CCDC146: variants seen among roughly 807,000 people sequenced by gnomAD.
CCDC146 encodes coiled-coil domain containing 146, also known as coiled-coil domain-containing protein 146.
A neutral mutation model predicts 119.3 loss-of-function variants in CCDC146; 92 were observed. The observed-to-expected ratio is 0.77, with a 90% CI of 0.65 to 0.92. The LOEUF is 0.92. Ranked by LOEUF, CCDC146 falls within the 40% of genes least tolerant of loss-of-function variation. CCDC146 has a pLI of 0.00. For synonymous variants in CCDC146, 372 were observed against 371.8 expected, an observed-to-expected ratio of 1.00 and a Z score of -0.01; for missense variants, 1,000 against 1,103.0, an observed-to-expected ratio of 0.91 and a Z score of 1.32.
At position 77,286,921 on chromosome 7, in the gene CCDC146, G is replaced by T; in HGVS notation, c.2272G>T (p.Asp758Tyr). ...CGAAAAAGAAATGATCCAAAAATTA[G>T]ACAAGGTAAACATTATTGCTTAAAA... The part of the protein sequence containing the change: ...LTEKEMIQKL[D>Y]KLELQLAKKE... Residue 758 changes from aspartate (D) to tyrosine (Y), a missense_variant, in exon 16 of 19, where the codon GAC (aspartate) becomes TAC (tyrosine). By Grantham distance (160) the Asp-to-Tyr change is radical. Coordinates refer to ENST00000285871, the MANE Select transcript of CCDC146 (RefSeq NM_020879.3). 10 of 1,614,086 alleles carry T rather than the reference G, an allele frequency of 6.2e-6. No homozygotes were observed. Among genetic ancestry groups the T allele is most frequent in the South Asian group, 1.1e-5 (1 of 91,070 alleles).
intron 2 of CCDC146, among the ~76,000 whole-genome samples, chr7:77,177,121 C>T (rs1362372755): frequency 6.4e-5 from 9 of 140,086 alleles, no homozygotes; most frequent in Admixed American, 2.8e-4. Flanking sequence ...CAGGTGTAAA[C>T]CCCTGCACCT....
intron 1 of CCDC146, among the ~76,000 whole-genome samples, chr7:77,136,020 T>C (rs1790855768): frequency 6.6e-6 from 1 of 152,212 alleles, no homozygotes; most frequent in Non-Finnish European, 1.5e-5. Flanking sequence ...ACAAAACTGA[T>C]AGAGCTGCAA....
Position 77,292,867 on chromosome 7 carries a change from C to T in CCDC146, c.2416-85C>T, listed in dbSNP as rs531831777. 64 of 1,428,808 alleles carry T rather than the reference C, an allele frequency of 4.5e-5. No individual in the cohort carries two copies. The African/African-American group carries it at 6.0e-4, about 13-fold the overall frequency. 88.5% of individuals were successfully genotyped at this position (1,428,808 alleles called of 1,614,324 possible). On this transcript the variant is annotated intron_variant, in intron 17 of 18. Transcript: ENST00000285871. ...CCTTCCTTCAGACAAAAATGCACCC[C>T]GCCATTATAGACAGCCAGCAGCCTG...
chr7:77,235,969 G>A (rs1282883673), intron 2 of CCDC146, among the ~76,000 whole-genome samples: 1 of 152,032 alleles, frequency 6.6e-6, no homozygotes, highest in Non-Finnish European at 1.5e-5. Context: ...TACTTGGGAG[G>A]CTGAGGTACG....
At chr7:77,134,347 A>G (rs1366365255) in intron 1 of CCDC146, among the ~76,000 whole-genome samples, 2 of 152,056 alleles carry the variant, frequency 1.3e-5, no homozygotes, top group Non-Finnish European at 2.9e-5. Flanking sequence ...ATCATATAAA[A>G]TGCTCAGTTA....
chr7:77,226,394 C>T (rs191963256), intron 2 of CCDC146, among the ~76,000 whole-genome samples: 2 of 152,342 alleles, frequency 1.3e-5, no homozygotes, highest in Admixed American at 1.3e-4. Flanking sequence ...AGGTTCCCTG[C>T]ACACACCCAC....
In CCDC146 at chr7:77,259,023, C is replaced by A. The variant is rs1793236914; in HGVS notation, c.713C>A (p.Pro238Gln). ...GAAGTGGCCCACCATCAAACCATTC[C>A]AGTACAAATTGGAAAAGAGATAGAA... is the stretch of plus-strand genomic sequence containing the variant. ...KDEVAHHQTI[P>Q]VQIGKEIEKI... The change falls in exon 7 of 19, where the codon CCA becomes CAA. Residue 238 changes from proline to glutamine, a missense_variant. By Grantham distance (76) the Pro-to-Gln change is moderately conservative. Transcript: ENST00000285871. 1 of 1,612,382 alleles carries A rather than the reference C, an allele frequency of 6.2e-7. No individual in the cohort carries two copies. The highest frequency in any genetic ancestry group is 8.5e-7 in the Non-Finnish European group (1 of 1,178,846).
intron 1 of CCDC146, among the ~76,000 whole-genome samples, chr7:77,149,013 T>C (rs1025176653): frequency 6.6e-6 from 1 of 152,190 alleles, no homozygotes; most frequent in Non-Finnish European, 1.5e-5. Context: ...AGAGCCCATA[T>C]AGCCAAGACA....
intron 7 of CCDC146, chr7:77,259,349 G>A (rs946380162): frequency 1.6e-5 from 5 of 303,146 alleles, no homozygotes; most frequent in African/African-American, 1.1e-4. Flanking sequence ...TAACAGAGCG[G>A]TGCATGGGAT....
intron 2 of CCDC146, among the ~76,000 whole-genome samples, chr7:77,222,255 G>T (rs979625688): frequency 1.3e-5 from 2 of 152,208 alleles, no homozygotes; most frequent in African/African-American, 4.8e-5. Context: ...GTGAGTAGCC[G>T]TGAAAGGCTT....
intron 2 of CCDC146, among the ~76,000 whole-genome samples, chr7:77,189,208 G>T (rs944153485): frequency 6.6e-6 from 1 of 152,050 alleles, no homozygotes; most frequent in Non-Finnish European, 1.5e-5. Context: ...ACACTTTGCA[G>T]ACAGGCTTCC....
chr7:77,189,184 A>G (rs1422125742), intron 2 of CCDC146, among the ~76,000 whole-genome samples: 1 of 151,984 alleles, frequency 6.6e-6, no homozygotes, highest in African/African-American at 2.4e-5. Flanking sequence ...ACCCCACTCC[A>G]TTCCACTCCT....
chr7:77,243,293 T>C (rs1320311452), intron 4 of CCDC146, among the ~76,000 whole-genome samples: 1 of 152,246 alleles, frequency 6.6e-6, no homozygotes, highest in African/African-American at 2.4e-5. Flanking sequence ...CAATGCATAC[T>C]GACCTGCGGT....
intron 4 of CCDC146, among the ~76,000 whole-genome samples, chr7:77,250,434 T>C (rs1279196369): frequency 6.6e-6 from 1 of 152,226 alleles, no homozygotes; most frequent in Non-Finnish European, 1.5e-5. Flanking sequence ...CTTTGGAGAA[T>C]AATTTCACAA....
chr7:77,160,583 T>C (rs1791245951), intron 1 of CCDC146, among the ~76,000 whole-genome samples: 1 of 152,174 alleles, frequency 6.6e-6, no homozygotes, highest in South Asian at 2.1e-4. Context: ...CTATTATTGG[T>C]GTATAGGAAT....
intron 7 of CCDC146, 70 bp from the exon 8 acceptor site, chr7:77,259,937 CAA>C (rs1355550177): frequency 2.2e-6 from 2 of 901,470 alleles, no homozygotes; most frequent in Middle Eastern, 7.2e-4. Flanking sequence ...CAAAATAAGG[CAA>C]GTGTGTGTGT....
At chr7:77,185,119 A>G (rs983826219) in intron 2 of CCDC146, among the ~76,000 whole-genome samples, 1 of 152,144 alleles carries the variant, frequency 6.6e-6, no homozygotes, top group Non-Finnish European at 1.5e-5. Context: ...TACTGAGTAT[A>G]AAGTATTGCC....
At chr7:77,181,556 G>T (rs549336294) in intron 2 of CCDC146, among the ~76,000 whole-genome samples, 10 of 152,144 alleles carry the variant, frequency 6.6e-5, no homozygotes. Flanking sequence ...GTACATGTAC[G>T]GTCTTAGTAC....
At chr7:77,188,902 T>A (rs1791713798) in intron 2 of CCDC146, among the ~76,000 whole-genome samples, 1 of 152,118 alleles carries the variant, frequency 6.6e-6, no homozygotes, top group East Asian at 1.9e-4. Flanking sequence ...ACAGGGTGGA[T>A]GGGTGGGATG....
Sources: gnomAD v4.1 joint callset for allele counts (sites outside exome capture counted in the v4.1 genomes callset) on GRCh38, gnomAD v4.1.1 for gene constraint, MANE v1.5 for transcripts, NCBI Gene and HGNC (gene_info 2026-07-23, HGNC 2026-07-21) for gene names.